SPATA16: variants seen among roughly 807,000 people sequenced by gnomAD.
The protein encoded by SPATA16 is spermatogenesis associated 16.
A neutral mutation model predicts 63.3 loss-of-function variants in SPATA16; 36 were observed. The observed-to-expected ratio is 0.57, with a 90% CI of 0.44 to 0.75. The LOEUF (loss-of-function observed/expected upper bound fraction) is 0.75, where lower values mean the gene tolerates loss of function less well. Ranked by LOEUF, SPATA16 falls within the 30% of genes least tolerant of loss-of-function variation. The probability of loss-of-function intolerance (pLI) is 0.00; values close to 1 mark genes in which losing one functional copy is unlikely to be tolerated. For missense variants in SPATA16, 646 were observed against 679.3 expected, an observed-to-expected ratio of 0.95 and a Z score of 0.54; for synonymous variants, 203 against 216.7, an observed-to-expected ratio of 0.94 and a Z score of 0.56.
intron 1 of SPATA16, among the ~76,000 whole-genome samples, chr3:173,131,876 G>A (rs983281678): frequency 6.6e-6 from 1 of 151,910 alleles, no homozygotes; most frequent in African/African-American, 2.4e-5. Context: ...ATACATCATC[G>A]GGATCTTCTA....
At chr3:173,107,015 A>C (rs1737636737) in intron 2 of SPATA16, among the ~76,000 whole-genome samples, 1 of 152,184 alleles carries the variant, frequency 6.6e-6, no homozygotes, top group African/African-American at 2.4e-5. Flanking sequence ...CATAGACTCC[A>C]TTGAACTTTC....
chr3:172,999,102 G>A (rs1734758256), intron 4 of SPATA16, among the ~76,000 whole-genome samples: 4 of 152,030 alleles, frequency 2.6e-5, no homozygotes, highest in South Asian at 4.1e-4. Flanking sequence ...GAAAGAAATT[G>A]TGAAAAATTT....
intron 6 of SPATA16, among the ~76,000 whole-genome samples, chr3:172,932,547 T>G (rs968125832): frequency 2.6e-5 from 4 of 152,150 alleles, no homozygotes; most frequent in Non-Finnish European, 5.9e-5. Context: ...TCTTTCTCAA[T>G]CGTGTTCTGA....
chr3:173,091,266 G>T (rs1033687417), intron 2 of SPATA16, among the ~76,000 whole-genome samples: 1 of 151,960 alleles, frequency 6.6e-6, no homozygotes, highest in Non-Finnish European at 1.5e-5. Flanking sequence ...TAAGAAGAGA[G>T]AATAGACCTA....
At chr3:173,058,277 C>T (rs1190600204) in intron 2 of SPATA16, among the ~76,000 whole-genome samples, 1 of 151,848 alleles carries the variant, frequency 6.6e-6, no homozygotes, top group African/African-American at 2.4e-5. Flanking sequence ...TAATGGTTTC[C>T]CTAATGAGAA....
chr3:172,992,684 C>G (rs1352454354), intron 4 of SPATA16, among the ~76,000 whole-genome samples: 2 of 152,100 alleles, frequency 1.3e-5, no homozygotes, highest in African/African-American at 4.8e-5. Context: ...TGTTAATGTA[C>G]TTCTGAGCAG....
chr3:173,029,406 G>GTTTTTTTTTTTTTTT (rs57233262), intron 3 of SPATA16, among the ~76,000 whole-genome samples: 5 of 139,858 alleles, frequency 3.6e-5, no homozygotes, highest in African/African-American at 1.4e-4. Context: ...AGTAATCAGA[G>GTTTTTTTTTTTTTTT]TTTTTTTTTT....
chr3:173,073,211 G>A (rs1166245920), intron 2 of SPATA16, among the ~76,000 whole-genome samples: 1 of 152,206 alleles, frequency 6.6e-6, no homozygotes, highest in Non-Finnish European at 1.5e-5. Flanking sequence ...TAAAAATTCT[G>A]AAAATTTGCA....
At chr3:172,989,562 G>A (rs1734530266) in intron 4 of SPATA16, among the ~76,000 whole-genome samples, 1 of 152,180 alleles carries the variant, frequency 6.6e-6, no homozygotes, top group South Asian at 2.1e-4. Context: ...CTTTGGACAA[G>A]TTACTTAACC....
intron 2 of SPATA16, among the ~76,000 whole-genome samples, chr3:173,109,839 T>C (rs1737707100): frequency 6.6e-6 from 1 of 152,234 alleles, no homozygotes; most frequent in Non-Finnish European, 1.5e-5. Flanking sequence ...ATTTTATTTA[T>C]ATTTGTATTT....
intron 1 of SPATA16, among the ~76,000 whole-genome samples, chr3:173,118,240 C>T (rs16848058): frequency 0.11 from 16,471 of 152,200 alleles, 1,125 homozygotes; most frequent in East Asian, 0.31. Flanking sequence ...TGAGCACAAT[C>T]TTTCCTAAAT....
At chr3:172,979,220 G>C (rs1734241375) in intron 4 of SPATA16, among the ~76,000 whole-genome samples, 1 of 151,664 alleles carries the variant, frequency 6.6e-6, no homozygotes, top group Non-Finnish European at 1.5e-5. Flanking sequence ...CTGGGCAACA[G>C]AGCAAGACTC....
intron 2 of SPATA16, among the ~76,000 whole-genome samples, chr3:173,051,403 C>T (rs201674997): frequency 3.3e-5 from 5 of 152,084 alleles, no homozygotes; most frequent in Admixed American, 1.3e-4. Flanking sequence ...GGGGTTTCAC[C>T]GTGTTAGCCA....
At chr3:172,898,677 T>C (rs1324162397) in intron 10 of SPATA16, among the ~76,000 whole-genome samples, 2 of 151,648 alleles carry the variant, frequency 1.3e-5, no homozygotes, top group African/African-American at 4.8e-5. Context: ...CCTTGTGGCA[T>C]TGATTTTCTT....
At chr3:172,940,944 C>T (rs906342294) in intron 6 of SPATA16, among the ~76,000 whole-genome samples, 3 of 152,082 alleles carry the variant, frequency 2.0e-5, no homozygotes, top group African/African-American at 7.2e-5. Flanking sequence ...GATCATGCCA[C>T]AGCACTCCAG....
intron 6 of SPATA16, among the ~76,000 whole-genome samples, chr3:172,925,930 A>T (rs1004519357): frequency 6.6e-6 from 1 of 151,980 alleles, no homozygotes; most frequent in African/African-American, 2.4e-5. Flanking sequence ...GGTTCAAGCG[A>T]TTCTCCTGCT....
At chr3:173,125,477 T>G (rs1171554897) in intron 1 of SPATA16, among the ~76,000 whole-genome samples, 1 of 152,176 alleles carries the variant, frequency 6.6e-6, no homozygotes, top group African/African-American at 2.4e-5. Flanking sequence ...CTTTGAAAAC[T>G]CCTCACATAT....
At chr3:173,140,115 T>C (rs1333031909) in intron 1 of SPATA16, among the ~76,000 whole-genome samples, 1 of 152,216 alleles carries the variant, frequency 6.6e-6, no homozygotes, top group Non-Finnish European at 1.5e-5. Context: ...TTTCTTTTAG[T>C]CATAATCAAT....
chr3:173,088,020 T>G (rs574596829), intron 2 of SPATA16, among the ~76,000 whole-genome samples: 1 of 91,634 alleles, frequency 1.1e-5, no homozygotes, highest in Non-Finnish European at 2.3e-5. Flanking sequence ...CTTTCTTTCT[T>G]TCTTTCTTTC....
Sources: gnomAD v4.1 joint callset for allele counts (sites outside exome capture counted in the v4.1 genomes callset) on GRCh38, gnomAD v4.1.1 for gene constraint, MANE v1.5 for transcripts, NCBI Gene and HGNC (gene_info 2026-07-23, HGNC 2026-07-21) for gene names.